The following CYTH1 variants were observed in gnomAD, a reference collection of about 807,000 sequenced individuals.
The protein encoded by CYTH1 is cytohesin-1.
Under a neutral mutation model 61.8 loss-of-function variants are expected in CYTH1, and 18 were observed. The ratio of observed to expected loss-of-function variants is 0.29; its 90% CI spans 0.20 to 0.43. The LOEUF is 0.43. Ranked by LOEUF, CYTH1 falls within the 20% of genes least tolerant of loss-of-function variation. The pLI, the probability that CYTH1 is intolerant of heterozygous loss-of-function variation, is 1.00. For missense variants in CYTH1, 336 were observed against 510.5 expected (o/e 0.66, Z 3.29); for synonymous variants, 174 against 184.3 (o/e 0.94, Z 0.45).
At position 78,702,573 on chromosome 17, in the gene CYTH1, T is replaced by C; in HGVS notation, c.202A>G (p.Met68Val). 2 of 1,614,234 alleles carry C rather than the reference T, an allele frequency of 1.2e-6. No individual in the cohort carries two copies. Among genetic ancestry groups the C allele is most frequent in the Non-Finnish European group, 1.7e-6 (2 of 1,180,052 alleles). The change falls in exon 4 of 14, where the codon ATG becomes GTG. Residue 68 changes from methionine (M) to valine (V), a missense_variant. By Grantham distance (21) the Met-to-Val change is conservative (BLOSUM62 1). Transcript: ENST00000446868. Reference protein sequence around the residue: ...KNMQRNKQVAMGRKKFNMDPK... With the variant: ...KNMQRNKQVAVGRKKFNMDPK... ...TCCATATTAAATTTTTTCCTGCCCA[T>C]GGCTACCTGTTTGTTCCTCTGCATG...
intron 1 of CYTH1, among the ~76,000 whole-genome samples, chr17:78,777,926 G>A (rs1416214398): frequency 6.6e-6 from 1 of 152,090 alleles, no homozygotes; most frequent in Non-Finnish European, 1.5e-5. Context: ...GACAGGGACA[G>A]GGACAGAGGA....
intron 3 of CYTH1, among the ~76,000 whole-genome samples, chr17:78,704,812 G>A (rs185551872): frequency 4.3e-4 from 65 of 152,260 alleles, no homozygotes; most frequent in East Asian, 1.7e-3. Flanking sequence ...ATGAGTCATC[G>A]CATCCAGGCT....
rs1465593883 is a variant in CYTH1 at position 78,674,475 on chromosome 17, G to A, written c.*1616C>T. ...CCCTCACAAGCTCTGGCACAAAAGT[G>A]CCTAAAGCCATTCCCTCCAGGTAGG... On this transcript the variant is annotated 3_prime_UTR_variant, in exon 14 of 14. Transcript: ENST00000446868. The A allele has an allele frequency of 6.8e-6, 1 of 147,330 alleles. No individual in the cohort carries two copies. The highest frequency in any genetic ancestry group is 6.7e-5 in the Admixed American group (1 of 14,954). The allele number at this position is 147,330 out of a possible 1,614,324, so 9.1% of individuals were successfully genotyped here. A position where few individuals can be genotyped will look rare whatever the true frequency, so the allele number is the denominator to read the frequency against.
At chr17:78,756,013 C>T (rs2093399357) in intron 1 of CYTH1, among the ~76,000 whole-genome samples, 1 of 151,500 alleles carries the variant, frequency 6.6e-6, no homozygotes, top group African/African-American at 2.4e-5. Flanking sequence ...AGTGGTTTCA[C>T]TGGTGTACAA....
At chr17:78,759,396 T>C (rs1163928921) in intron 1 of CYTH1, among the ~76,000 whole-genome samples, 1 of 152,160 alleles carries the variant, frequency 6.6e-6, no homozygotes, top group Non-Finnish European at 1.5e-5. Flanking sequence ...GGTTGCTTCC[T>C]CACTGTTGTA....
intron 12 of CYTH1, 142 bp from the exon 13 acceptor site, chr17:78,680,486 C>G (rs1188449746): frequency 1.6e-5 from 16 of 1,009,728 alleles, no homozygotes; most frequent in Non-Finnish European, 2.3e-5. Context: ...AAAAGTGAAG[C>G]CTAGAAGCGG....
chr17:78,686,433 C>T (rs534773226), intron 11 of CYTH1, among the ~76,000 whole-genome samples: 2 of 152,158 alleles, frequency 1.3e-5, no homozygotes, highest in South Asian at 4.2e-4. Flanking sequence ...GTGAGTGACC[C>T]CTGGTTCTCC....
At chr17:78,697,528 G>C (rs1404810610) in intron 9 of CYTH1, among the ~76,000 whole-genome samples, 1 of 151,800 alleles carries the variant, frequency 6.6e-6, no homozygotes, top group Non-Finnish European at 1.5e-5. Context: ...TCTGGCAAAG[G>C]GAAGAGAAAT....
intron 11 of CYTH1, among the ~76,000 whole-genome samples, chr17:78,684,978 A>C (rs2092801678): frequency 6.6e-6 from 1 of 152,184 alleles, no homozygotes; most frequent in African/African-American, 2.4e-5. Flanking sequence ...AGGCGGGCAG[A>C]TCACGAGGTC....
intron 1 of CYTH1, among the ~76,000 whole-genome samples, chr17:78,738,938 T>C (rs755569976): frequency 1.7e-4 from 26 of 152,232 alleles, no homozygotes; most frequent in Non-Finnish European, 2.8e-4. Flanking sequence ...CTTTCACAGA[T>C]GCTGCCAAAG....
rs575554732 is a variant in CYTH1 at position 78,707,954 on chromosome 17, C to T, written c.170+243G>A. On this transcript the variant is annotated intron_variant, in intron 3 of 13. Coordinates refer to ENST00000446868, the MANE Select transcript of CYTH1 (RefSeq NM_004762.6). Reference sequence around the variant, plus strand: ...TCGGCCTCCCAAAGTGCTGGGATTACAGCCGTGAGCCACCGCGCCCGGCCT... The same window carrying T: ...TCGGCCTCCCAAAGTGCTGGGATTATAGCCGTGAGCCACCGCGCCCGGCCT... 3.3e-5 allele frequency among the ~76,000 whole-genome samples: 5 copies of T among 152,266 alleles called. No individual in the cohort carries two copies. The South Asian group carries it at 1.0e-3, about 32-fold the overall frequency.
At chr17:78,743,732 C>A (rs1488855786) in intron 1 of CYTH1, among the ~76,000 whole-genome samples, 1 of 152,224 alleles carries the variant, frequency 6.6e-6, no homozygotes, top group East Asian at 1.9e-4. Flanking sequence ...GTCCCATGAC[C>A]TGTTTCCTTA....
At chr17:78,726,614 T>C (rs888748397) in intron 1 of CYTH1, among the ~76,000 whole-genome samples, 30 of 151,716 alleles carry the variant, frequency 2.0e-4, no homozygotes, top group African/African-American at 7.0e-4. Flanking sequence ...CGCGAGAGCC[T>C]GGGAGAGGGC....
At chr17:78,678,126 C>A (rs995739125) in intron 13 of CYTH1, 14 of 152,306 alleles carry the variant, frequency 9.2e-5, no homozygotes, top group African/African-American at 2.9e-4. Context: ...CAGAGGAGTC[C>A]AGCAAGCCCA....
intron 3 of CYTH1, among the ~76,000 whole-genome samples, chr17:78,704,154 G>A (rs1352483674): frequency 6.6e-6 from 1 of 152,152 alleles, no homozygotes; most frequent in Non-Finnish European, 1.5e-5. Context: ...CGTCACCTGG[G>A]GCCTCAACAA....
intron 11 of CYTH1, chr17:78,691,143 C>A (rs987592859): frequency 6.6e-5 from 10 of 152,166 alleles, no homozygotes; most frequent in Non-Finnish European, 1.3e-4. Context: ...AAAAGCAAAG[C>A]CAGTGCAGAA....
chr17:78,702,597 T>G lies in CYTH1; in HGVS notation c.178A>C (p.Met60Leu). The change falls in exon 4 of 14, where the codon ATG (methionine) becomes CTG (leucine). Residue 60 changes from methionine to leucine, a missense_variant. Physicochemically the swap from Met to Leu is conservative, Grantham distance 15 (BLOSUM62 2). Around this residue, in one of 4 missense-constraint regions of CYTH1, gnomAD observed 112 missense variants for 127.1 expected, o/e 0.88. Coordinates refer to ENST00000446868, the MANE Select transcript of CYTH1 (RefSeq NM_004762.6). ...NLGSTEERKN[M>L]QRNKQVAMGR... ...ATGGCTACCTGTTTGTTCCTCTGCA[T>G]GTTTTTCCTGTAAAACAACCATCAC... 6.2e-7 allele frequency: 1 copy of G among 1,614,212 alleles called. No individual in the cohort carries two copies. Among genetic ancestry groups the G allele is most frequent in the Non-Finnish European group, 8.5e-7 (1 of 1,180,030 alleles).
chr17:78,782,265 T>A lies in CYTH1; in HGVS notation c.-42A>T, dbSNP rs2093522463. 1 of 1,213,484 alleles carries A rather than the reference T, an allele frequency of 8.2e-7. No homozygotes were observed. The highest frequency in any genetic ancestry group is 2.1e-5 in the South Asian group (1 of 47,180). The allele number at this position is 1,213,484 out of a possible 1,614,324, so 75.2% of individuals were successfully genotyped here. On this transcript the variant is annotated 5_prime_UTR_variant, in exon 1 of 14. Coordinates refer to ENST00000446868, the MANE Select transcript of CYTH1 (RefSeq NM_004762.6). The stretch of plus-strand genomic sequence containing the variant: ...TCCGCGCTCCGGCTCGCCGCTCGCG[T>A]CCCGCCGCGCCACCCGCGCCCCCGC...
Position 78,760,541 on chromosome 17 carries a change from A to G in CYTH1, c.22+21661T>C, listed in dbSNP as rs561576468. Among the ~76,000 whole-genome samples, 46 of 44,442 alleles carry G rather than the reference A, an allele frequency of 1.0e-3. 3 individuals carry two copies. The highest frequency in any genetic ancestry group is 4.7e-3 in the African/African-American group (45 of 9,616). The allele number at this position is 44,442 out of a possible 152,430, so 29.2% of individuals were successfully genotyped here. On this transcript the variant is annotated intron_variant, in intron 1 of 13. Transcript: ENST00000446868. ...TGTATATATATATATACATACATAT[A>G]TATGTATATATATATGTATATATAT... is the stretch of plus-strand genomic sequence containing the variant.
Sources: allele counts gnomAD v4.1 joint callset (sites outside exome capture counted in the v4.1 genomes callset), GRCh38; gene constraint gnomAD v4.1.1; regional missense constraint gnomAD v4.1.1; transcripts MANE v1.5; gene names NCBI Gene and HGNC (gene_info 2026-07-23, HGNC 2026-07-21).